The following FARS2 variants were observed in gnomAD, a reference collection of about 807,000 sequenced individuals.
The protein encoded by FARS2 is phenylalanine--tRNA ligase, mitochondrial.
In FARS2, 40 loss-of-function variants were observed where a neutral mutation model predicts 46.4. That is an observed-to-expected ratio of 0.86 (90% CI 0.67 to 1.12). The LOEUF is 1.12. Among genes scored for constraint, FARS2 ranks in the 50% most tolerant of loss-of-function variants. The pLI, the probability that FARS2 is intolerant of heterozygous loss-of-function variation, is 0.00. For missense variants in FARS2, 513 were observed against 567.9 expected (o/e 0.90, Z 0.98); for synonymous variants, 234 against 214.9 (o/e 1.09, Z -0.78).
intron 3 of FARS2, among the ~76,000 whole-genome samples, chr6:5,430,663 A>G (rs890112990): frequency 2.0e-5 from 3 of 152,120 alleles, no homozygotes; most frequent in African/African-American, 7.2e-5. Context: ...AGGAAAATAT[A>G]GTAAAAATAT....
chr6:5,340,974 C>T lies in FARS2; in HGVS notation c.-21-27576C>T, dbSNP rs183456467. On this transcript the variant is annotated intron_variant, in intron 1 of 6. Transcript: ENST00000274680. ...CAGCCTGACCAACATGATGAAACCC[C>T]GTCTCTGCTAAAAATACAAAAAAAT... 1.7e-4 allele frequency among the ~76,000 whole-genome samples: 26 copies of T among 151,390 alleles called. 1 individual carries two copies. In the South Asian group the frequency reaches 3.8e-3, roughly 22 times the overall value.
At position 5,361,305 on chromosome 6, in the gene FARS2, C is replaced by T. The variant is rs72815649; in HGVS notation, c.-21-7245C>T. Among the ~76,000 whole-genome samples the T allele has an allele frequency of 5.6e-3, 845 of 152,126 alleles. 1 individual carries two copies. The highest frequency in any genetic ancestry group is 8.3e-3 in the Non-Finnish European group (566 of 67,982). On this transcript the variant is annotated intron_variant, in intron 1 of 6. Coordinates refer to ENST00000274680, the MANE Select transcript of FARS2 (RefSeq NM_006567.5). ...TCTCCCATAATTTGCTTAATCATTC[C>T]CTTGTTGTGGGACATTTATGTGGTG... is the stretch of plus-strand genomic sequence containing the variant.
intron 6 of FARS2, among the ~76,000 whole-genome samples, chr6:5,615,469 G>A: frequency 6.6e-6 from 1 of 152,012 alleles, no homozygotes; most frequent in Non-Finnish European, 1.5e-5. Context: ...CTGCTTTCTT[G>A]CCATCTCTTC....
At chr6:5,679,891 T>G (rs541634357) in intron 6 of FARS2, among the ~76,000 whole-genome samples, 1 of 112,518 alleles carries the variant, frequency 8.9e-6, no homozygotes, top group African/African-American at 3.5e-5. Flanking sequence ...AACAACACCC[T>G]AGAGTGAGAT....
chr6:5,328,623 G>A lies in FARS2; in HGVS notation c.-21-39927G>A, dbSNP rs368941122. On this transcript the variant is annotated intron_variant, in intron 1 of 6. Transcript: ENST00000274680. ...ACTAAGGCTACATCTTTTCATTGGT[G>A]TTACTGTATGGTTTGAAGGAGGACT... is the stretch of plus-strand genomic sequence containing the variant. Among the ~76,000 whole-genome samples, 5 of 151,866 alleles carry A rather than the reference G, an allele frequency of 3.3e-5. No individual in the cohort carries two copies. The East Asian group carries it at 7.7e-4, about 24-fold the overall frequency.
At position 5,404,700 on chromosome 6, in the gene FARS2, T is replaced by C. The variant is rs779590953; in HGVS notation, c.771T>C (p.Asp257=). 24 of 1,586,138 alleles carry C rather than the reference T, an allele frequency of 1.5e-5. No homozygotes were observed. Among genetic ancestry groups the C allele is most frequent in the Non-Finnish European group, 2.1e-5 (24 of 1,164,908 alleles). ...GGCTCATGGCACATCTTTTTGGAGA[T>C]GGTAAGTGCTCAAACACAGGTTGAC... The part of the protein sequence containing the change: ...LTRLMAHLFG[D]ELEIRWVDCY... Residue 257 remains aspartate (D), a splice_region_variant and synonymous_variant, in exon 3 of 7, where the codon GAT becomes GAC. Transcript: ENST00000274680.
chr6:5,713,615 C>T (rs577887522), intron 6 of FARS2, among the ~76,000 whole-genome samples: 11 of 152,346 alleles, frequency 7.2e-5, no homozygotes, highest in African/African-American at 2.4e-4. Context: ...TTCAGGACTC[C>T]GGATTGCTTT....
At chr6:5,677,679 CAA>C (rs1375433288) in intron 6 of FARS2, among the ~76,000 whole-genome samples, 3 of 152,168 alleles carry the variant, frequency 2.0e-5, no homozygotes, top group South Asian at 2.1e-4. Flanking sequence ...GGGCTGTAGT[CAA>C]AGAGTCAAAG....
chr6:5,526,815 C>T (rs990949733), intron 4 of FARS2, among the ~76,000 whole-genome samples: 4 of 152,104 alleles, frequency 2.6e-5, no homozygotes, highest in African/African-American at 9.7e-5. Flanking sequence ...CAGGATTTCA[C>T]CATATTGGCC....
chr6:5,697,334 A>G (rs1344177251), intron 6 of FARS2, among the ~76,000 whole-genome samples: 1 of 152,244 alleles, frequency 6.6e-6, no homozygotes, highest in Non-Finnish European at 1.5e-5. Context: ...GAATTTGACA[A>G]CGTATAAGAG....
At position 5,512,984 on chromosome 6, in the gene FARS2, TTGTC is replaced by T. The variant is rs199540110; in HGVS notation, c.905-32193_905-32190del. Among the ~76,000 whole-genome samples, 669 of 152,274 alleles carry T rather than the reference TTGTC, an allele frequency of 4.4e-3. 14 individuals carry two copies. Among genetic ancestry groups the T allele is most frequent in the Admixed American group, 0.039 (599 of 15,306 alleles). On this transcript the variant is annotated intron_variant, in intron 4 of 6. Transcript: ENST00000274680. Reference sequence around the variant, plus strand: ...ATAGGTTTGACGCAAGAAAGTGTCCTTGTCTGATTTTCATCCTAGACACTCCAAT... The same window carrying T: ...ATAGGTTTGACGCAAGAAAGTGTCCTTGATTTTCATCCTAGACACTCCAAT...
intron 6 of FARS2, among the ~76,000 whole-genome samples, chr6:5,676,361 G>C (rs1330872975): frequency 6.6e-6 from 1 of 152,174 alleles, no homozygotes; most frequent in Non-Finnish European, 1.5e-5. Flanking sequence ...AATACAAACA[G>C]TACACATATT....
intron 2 of FARS2, among the ~76,000 whole-genome samples, chr6:5,393,425 G>C (rs1267921560): frequency 6.6e-6 from 1 of 152,108 alleles, no homozygotes; most frequent in East Asian, 1.9e-4. Context: ...GGGAGGCTGA[G>C]GTGGGCGGAT....
At chr6:5,532,951 T>G (rs1302705222) in intron 4 of FARS2, among the ~76,000 whole-genome samples, 1 of 152,146 alleles carries the variant, frequency 6.6e-6, no homozygotes, top group East Asian at 1.9e-4. Flanking sequence ...CAAAACTTTT[T>G]TTTTTCAATA....
At chr6:5,393,165 A>ACTAG (rs1760679085) in intron 2 of FARS2, among the ~76,000 whole-genome samples, 1 of 151,984 alleles carries the variant, frequency 6.6e-6, no homozygotes, top group Admixed American at 6.6e-5. Flanking sequence ...ATCTATTGAA[A>ACTAG]CTAGCTTGGT....
intron 1 of FARS2, among the ~76,000 whole-genome samples, chr6:5,339,935 T>A (rs1298241923): frequency 6.6e-6 from 1 of 152,244 alleles, no homozygotes; most frequent in East Asian, 1.9e-4. Flanking sequence ...AGAGCTTAAG[T>A]TTCGTTTATG....
chr6:5,479,991 G>C (rs939344219), intron 4 of FARS2, among the ~76,000 whole-genome samples: 8 of 152,246 alleles, frequency 5.3e-5, no homozygotes, highest in African/African-American at 1.9e-4. Context: ...TGTCTGCACA[G>C]ATCTTTCCAA....
chr6:5,675,560 G>T (rs1778723313), intron 6 of FARS2, among the ~76,000 whole-genome samples: 1 of 152,168 alleles, frequency 6.6e-6, no homozygotes. Context: ...GTCCTGTTCA[G>T]CTAGGATAAA....
chr6:5,731,325 T>A (rs1268250938), intron 6 of FARS2, among the ~76,000 whole-genome samples: 1 of 152,288 alleles, frequency 6.6e-6, no homozygotes, highest in East Asian at 1.9e-4. Flanking sequence ...CTTCCTCCTC[T>A]TTGTTTTCAG....
Sources: allele counts gnomAD v4.1 joint callset (sites outside exome capture counted in the v4.1 genomes callset), GRCh38; gene constraint gnomAD v4.1.1; transcripts MANE v1.5; gene names NCBI Gene and HGNC (gene_info 2026-07-23, HGNC 2026-07-21).